IDUA: variants seen among roughly 807,000 people sequenced by gnomAD.
IDUA encodes iduronidase alpha-L-.
IDUA carries 65 observed loss-of-function variants against 68.9 expected under a neutral mutation model. That is an observed-to-expected ratio of 0.94 (90% confidence interval 0.77 to 1.16). The LOEUF is 1.16. IDUA is among the 50% of genes most tolerant of loss of function. The probability of loss-of-function intolerance (pLI) is 0.00; values close to 1 mark genes in which losing one functional copy is unlikely to be tolerated. For synonymous variants in IDUA, 529 were observed against 433.6 expected, an observed-to-expected ratio of 1.22 and a Z score of -2.73; for missense variants, 1,046 against 938.0, an observed-to-expected ratio of 1.12 and a Z score of -1.50.
intron 4 of IDUA, 35 bp from the exon 5 acceptor site, chr4:1,001,433 A>G (rs553233719): frequency 6.4e-7 from 1 of 1,574,608 alleles, no homozygotes; most frequent in African/African-American, 1.4e-5. Context: ...GGCGAGATTC[A>G]CCTGTGCTGG....
At chr4:1,001,404 C>A (rs1715062825) in intron 4 of IDUA, 64 bp from the exon 5 acceptor site, 1 of 1,369,934 alleles carries the variant, frequency 7.3e-7, no homozygotes, top group African/African-American at 1.4e-5. Flanking sequence ...TTGCACCCTC[C>A]CTCCGTGGGA....
chr4:997,588 C>T (rs1204149535), intron 2 of IDUA, among the ~76,000 whole-genome samples: 1 of 151,888 alleles, frequency 6.6e-6, no homozygotes. Context: ...ACACCCCGCG[C>T]GGGGTCTACA....
chr4:999,166 C>T (rs1312234080), intron 2 of IDUA, among the ~76,000 whole-genome samples: 1 of 151,166 alleles, frequency 6.6e-6, no homozygotes, highest in South Asian at 2.1e-4. Flanking sequence ...GATCGCGCCA[C>T]TGCACCCCAG....
chr4:990,006 G>T (rs1252533016), intron 2 of IDUA: 1 of 1,572,584 alleles, frequency 6.4e-7, no homozygotes, highest in Non-Finnish European at 8.6e-7. Context: ...AGCGCTTGTG[G>T]AGCTGCCCGA....
chr4:1,001,752 C>T lies in IDUA; in HGVS notation c.663C>T (p.Pro221=), dbSNP rs368553582. The part of the protein sequence containing the change: ...AASPALRLGG[P]GDSFHTPPRS... ...GCCCCGCCCTGCGGCTGGGAGGCCC[C>T]GGCGACTCCTTCCACACCCCACCGC... Residue 221 remains proline (P), a synonymous_variant, in exon 6 of 14, where the codon CCC becomes CCT. Transcript: ENST00000514224. The T allele has an allele frequency of 1.9e-6, 3 of 1,597,570 alleles. No homozygotes were observed. The highest frequency in any genetic ancestry group is 1.3e-5 in the African/African-American group (1 of 74,752).
chr4:988,672 TC>T (rs1713945771), intron 2 of IDUA: 1 of 1,415,024 alleles, frequency 7.1e-7, no homozygotes, highest in Non-Finnish European at 9.2e-7. Context: ...TCAGAGGGCC[TC>T]CTTTCCCAGT....
chr4:1,003,350 G>C lies in IDUA; in HGVS notation c.1530G>C (p.Pro510=). ...QFRRMRAAED[P]VAAAPRPLPA... Reference sequence around the variant, plus strand: ...GGACCGGCCACTGCGCCCAGGACCCGGTGGCCGCGGCGCCCCGCCCCTTAC... The same window carrying C: ...GGACCGGCCACTGCGCCCAGGACCCCGTGGCCGCGGCGCCCCGCCCCTTAC... The change falls in exon 11 of 14, where the codon CCG becomes CCC. Residue 510 remains proline (P), a synonymous_variant. Transcript: ENST00000514224. 2 of 1,457,042 alleles carry C rather than the reference G, an allele frequency of 1.4e-6. No homozygotes were observed. Among genetic ancestry groups the C allele is most frequent in the Non-Finnish European group, 1.8e-6 (2 of 1,114,220 alleles). 90.3% of individuals were successfully genotyped at this position (1,457,042 alleles called of 1,614,324 possible).
chr4:987,062 G>T lies in IDUA; in HGVS notation c.-23G>T. On this transcript the variant is annotated 5_prime_UTR_variant, in exon 1 of 14. Transcript: ENST00000514224. ...AACCGGCAGTGCAGCCCGAAGCCCCGCAGTCCCCGAGCACGCGTGGCCATG... is the reference window on the plus strand; with the variant it reads ...AACCGGCAGTGCAGCCCGAAGCCCCTCAGTCCCCGAGCACGCGTGGCCATG... The T allele has an allele frequency of 6.7e-7, 1 of 1,498,338 alleles. No individual in the cohort carries two copies. Among genetic ancestry groups the T allele is most frequent in the Non-Finnish European group, 8.9e-7 (1 of 1,129,910 alleles). 92.8% of individuals were successfully genotyped at this position (1,498,338 alleles called of 1,614,324 possible).
chr4:1,003,182 G>T, intron 10 of IDUA, 25 bp downstream of exon 10: 1 of 1,317,032 alleles, frequency 7.6e-7, no homozygotes, highest in Non-Finnish European at 9.6e-7. Context: ...GAGGGGCGAG[G>T]GGCCGGGCCG....
At chr4:995,353 C>CAA (rs57992789) in intron 2 of IDUA, among the ~76,000 whole-genome samples, 4 of 138,364 alleles carry the variant, frequency 2.9e-5, no homozygotes, top group East Asian at 2.1e-4. Context: ...AGTTCTGTCT[C>CAA]AAAAAAAAAA....
intron 2 of IDUA, among the ~76,000 whole-genome samples, chr4:999,113 G>A (rs1022340607): frequency 1.3e-5 from 2 of 151,998 alleles, no homozygotes; most frequent in African/African-American, 2.4e-5. Context: ...GCTGAGGCAG[G>A]AGAATGGTGT....
chr4:989,650 A>T, intron 2 of IDUA: 1 of 1,589,282 alleles, frequency 6.3e-7, no homozygotes, highest in Non-Finnish European at 8.6e-7. Context: ...CAGCGGTGCC[A>T]GCGCCAGCAG....
intron 10 of IDUA, 50 bp downstream of exon 10, chr4:1,003,207 G>A (rs1278520222): frequency 4.3e-5 from 56 of 1,293,144 alleles, no homozygotes; most frequent in Non-Finnish European, 5.3e-5. Flanking sequence ...GGGGTCCCGG[G>A]GGGGTGGGGT....
rs1376185314 is a variant in IDUA, at chr4:987,056, A to G, written c.-29A>G. On this transcript the variant is annotated 5_prime_UTR_variant, in exon 1 of 14. Transcript: ENST00000514224. ...AGGCGGAACCGGCAGTGCAGCCCGAAGCCCCGCAGTCCCCGAGCACGCGTG... is the reference window on the plus strand; with the variant it reads ...AGGCGGAACCGGCAGTGCAGCCCGAGGCCCCGCAGTCCCCGAGCACGCGTG... 43 of 1,515,824 alleles carry G rather than the reference A, an allele frequency of 2.8e-5. No homozygotes were observed. Among genetic ancestry groups the G allele is most frequent in the Non-Finnish European group, 3.7e-5 (42 of 1,140,556 alleles). 93.9% of individuals were successfully genotyped at this position (1,515,824 alleles called of 1,614,324 possible).
intron 2 of IDUA, among the ~76,000 whole-genome samples, chr4:994,285 T>C (rs544412458): frequency 6.6e-6 from 1 of 152,014 alleles, no homozygotes; most frequent in South Asian, 2.1e-4. Context: ...CTTTTCTTTT[T>C]TTTTTTTTGA....
rs376740599 is a variant in IDUA at position 991,214 on chromosome 4, C to T, written c.299+3265C>T. The T allele has an allele frequency of 1.2e-5, 20 of 1,607,744 alleles. No individual in the cohort carries two copies. The highest frequency in any genetic ancestry group is 9.9e-5 in the South Asian group (9 of 90,806). ...CCGCAGTCCAGCATGGCAGCCGAGCCGTTGAGGGTGCTGCTGTTGGCTCCG... is the reference window on the plus strand; with the variant it reads ...CCGCAGTCCAGCATGGCAGCCGAGCTGTTGAGGGTGCTGCTGTTGGCTCCG... On this transcript the variant is annotated intron_variant, in intron 2 of 13. Coordinates refer to ENST00000514224, the MANE Select transcript of IDUA (RefSeq NM_000203.5).
chr4:1,001,434 C>A, intron 4 of IDUA, 34 bp from the exon 5 acceptor site: 1 of 1,579,096 alleles, frequency 6.3e-7, no homozygotes. Flanking sequence ...GCGAGATTCA[C>A]CTGTGCTGGG....
At position 1,001,744 on chromosome 4, in the gene IDUA, G is replaced by A; in HGVS notation, c.655G>A (p.Gly219Arg). Reference protein sequence around the residue: ...LRAASPALRLGGPGDSFHTPP... With the variant: ...LRAASPALRLRGPGDSFHTPP... ...CGCCGCCAGCCCCGCCCTGCGGCTG[G>A]GAGGCCCCGGCGACTCCTTCCACAC... The change falls in exon 6 of 14, where the codon GGA becomes AGA. Residue 219 changes from glycine to arginine, a missense_variant. Gly to Arg is a moderately radical substitution (Grantham distance 125). Coordinates refer to ENST00000514224, the MANE Select transcript of IDUA (RefSeq NM_000203.5). The A allele has an allele frequency of 6.3e-7, 1 of 1,598,520 alleles. No homozygotes were observed. Among genetic ancestry groups the A allele is most frequent in the Non-Finnish European group, 8.5e-7 (1 of 1,177,860 alleles).
In IDUA at chr4:1,003,418, C is replaced by A. The variant is rs121965021; in HGVS notation, c.1598C>A (p.Pro533Gln). 6.5e-7 allele frequency: 1 copy of A among 1,529,188 alleles called. No homozygotes were observed. Among genetic ancestry groups the A allele is most frequent in the Non-Finnish European group, 8.7e-7 (1 of 1,144,662 alleles). The allele number at this position is 1,529,188 out of a possible 1,614,324, so 94.7% of individuals were successfully genotyped here. A position where few individuals can be genotyped will look rare whatever the true frequency, so the allele number is the denominator to read the frequency against. The change falls in exon 11 of 14, where the codon CCG (proline) becomes CAG (glutamine). Residue 533 changes from proline (P) to glutamine (Q), a missense_variant. Physicochemically the swap from Pro to Gln is moderately conservative, Grantham distance 76. Transcript: ENST00000514224. Reference protein sequence around the residue: ...RLTLRPALRLPSLLLVHVCAR... With the variant: ...RLTLRPALRLQSLLLVHVCAR... Reference sequence around the variant, plus strand: ...ACCCTGCGCCCCGCGCTGCGGCTGCCGTCGCTTTTGCTGGTGCACGTGTGT... The same window carrying A: ...ACCCTGCGCCCCGCGCTGCGGCTGCAGTCGCTTTTGCTGGTGCACGTGTGT...
Sources: gnomAD v4.1 joint callset for allele counts (sites outside exome capture counted in the v4.1 genomes callset) on GRCh38, gnomAD v4.1.1 for gene constraint, MANE v1.5 for transcripts, NCBI Gene and HGNC (gene_info 2026-07-23, HGNC 2026-07-21) for gene names.